Variants in DLG2 observed in about 807,000 individuals in gnomAD.
The protein encoded by DLG2 is discs large MAGUK scaffold protein 2, also known as disks large homolog 2.
In DLG2, 45 loss-of-function variants were observed where a neutral mutation model predicts 132.5. The ratio of observed to expected loss-of-function variants is 0.34; its 90% CI spans 0.27 to 0.44. The LOEUF (loss-of-function observed/expected upper bound fraction) is 0.44. Among genes scored for constraint, DLG2 ranks in the 20% least tolerant of loss-of-function variants. DLG2 has a pLI of 1.00. For missense variants in DLG2, 1,045 were observed against 1,196.9 expected (o/e 0.87, Z 1.87); for synonymous variants, 424 against 419.6 (o/e 1.01, Z -0.13).
intron 7 of DLG2, among the ~76,000 whole-genome samples, chr11:84,496,972 G>A (rs2099186259): frequency 6.6e-6 from 1 of 152,046 alleles, no homozygotes; most frequent in East Asian, 1.9e-4. Context: ...AGAATAATAG[G>A]TTAAGAGGTA....
At position 83,553,483 on chromosome 11, in the gene DLG2, CGTGTGTGTGTGTGT is replaced by C. The variant is rs71959561; in HGVS notation, c.1941-11639_1941-11626del. The stretch of plus-strand genomic sequence containing the variant: ...CTGGCACAAAGTAAGAAGTAAGCAC[CGTGTGTGTGTGTGT>C]GTGTGTGTGTGTGTGTGTGTGTGTG... On this transcript the variant is annotated intron_variant, in intron 19 of 27. Coordinates refer to ENST00000376104, the MANE Select transcript of DLG2 (RefSeq NM_001142699.3). Among the ~76,000 whole-genome samples the C allele has an allele frequency of 3.2e-3, 465 of 143,850 alleles. 8 individuals are homozygous for C. The highest frequency in any genetic ancestry group is 8.7e-3 in the East Asian group (42 of 4,830). 94.4% of individuals were successfully genotyped at this position (143,850 alleles called of 152,430 possible).
intron 5 of DLG2, among the ~76,000 whole-genome samples, chr11:85,151,771 C>A (rs935217968): frequency 5.3e-5 from 8 of 152,162 alleles, no homozygotes; most frequent in African/African-American, 7.2e-5. Context: ...CAGTACCACA[C>A]CATCTTGATT....
chr11:84,668,970 A>G (rs2099702823), intron 6 of DLG2, among the ~76,000 whole-genome samples: 1 of 152,132 alleles, frequency 6.6e-6, no homozygotes, highest in African/African-American at 2.4e-5. Context: ...AAAATAGACA[A>G]TATTCCTTGT....
intron 19 of DLG2, among the ~76,000 whole-genome samples, chr11:83,577,164 G>A (rs1451245820): frequency 6.6e-6 from 1 of 151,990 alleles, no homozygotes; most frequent in Non-Finnish European, 1.5e-5. Flanking sequence ...TTTCTCCCAT[G>A]CTGGATGCTT....
rs116705112 is a variant in DLG2 at position 85,603,706 on chromosome 11, G to A, written c.-92-4918C>T. Among the ~76,000 whole-genome samples, 1,378 of 151,976 alleles carry A rather than the reference G, an allele frequency of 9.1e-3. 20 individuals are homozygous for A. Among genetic ancestry groups the A allele is most frequent in the African/African-American group, 0.031 (1,295 of 41,460 alleles). Reference sequence around the variant, plus strand: ...CAAGGTGGAAGGATGGCTTGAGACCGGGAGTTCGAGACCAGCCTGGGCAAC... The same window carrying A: ...CAAGGTGGAAGGATGGCTTGAGACCAGGAGTTCGAGACCAGCCTGGGCAAC... On this transcript the variant is annotated intron_variant, in intron 2 of 27. Transcript: ENST00000376104.
At chr11:84,987,578 C>T (rs61390712) in intron 6 of DLG2, among the ~76,000 whole-genome samples, 12,292 of 152,096 alleles carry the variant, frequency 0.081, 801 homozygotes, top group Non-Finnish European at 0.11. Context: ...GGCACATAGA[C>T]GAATGGAACA....
chr11:84,070,953 T>A (rs1439785475), intron 10 of DLG2, among the ~76,000 whole-genome samples: 1 of 152,220 alleles, frequency 6.6e-6, no homozygotes, highest in Non-Finnish European at 1.5e-5. Flanking sequence ...TTTACTTCAC[T>A]TTTAATTCTC....
chr11:85,208,964 C>A (rs2082076330), intron 4 of DLG2, among the ~76,000 whole-genome samples: 1 of 152,102 alleles, frequency 6.6e-6, no homozygotes, highest in African/African-American at 2.4e-5. Flanking sequence ...CCCCTATCTA[C>A]CCTCCCGCAA....
chr11:85,075,662 G>A (rs944608460), intron 6 of DLG2, among the ~76,000 whole-genome samples: 1 of 151,652 alleles, frequency 6.6e-6, no homozygotes, highest in African/African-American at 2.4e-5. Flanking sequence ...TATATTTTCT[G>A]AGAGTGTATA....
chr11:85,352,732 C>T (rs556035308), intron 3 of DLG2, among the ~76,000 whole-genome samples: 17 of 151,972 alleles, frequency 1.1e-4, no homozygotes, highest in South Asian at 2.1e-4. Flanking sequence ...AACAAGAAAT[C>T]GGGAAAGGAT....
rs114226046 is a variant in DLG2 at position 84,387,425 on chromosome 11, T to C, written c.520-136134A>G. Among the ~76,000 whole-genome samples the C allele has an allele frequency of 3.5e-3, 526 of 152,108 alleles. 2 individuals carry two copies. Among genetic ancestry groups the C allele is most frequent in the Non-Finnish European group, 6.4e-3 (436 of 67,988 alleles). ...ATAATCATTATAATTATTAAGAAAT[T>C]AGTTATACAGAAAAATATTACAATC... On this transcript the variant is annotated intron_variant, in intron 7 of 27. Coordinates refer to ENST00000376104, the MANE Select transcript of DLG2 (RefSeq NM_001142699.3).
At chr11:85,324,304 C>A (rs1181863470) in intron 3 of DLG2, among the ~76,000 whole-genome samples, 1 of 152,062 alleles carries the variant, frequency 6.6e-6, no homozygotes, top group Non-Finnish European at 1.5e-5. Flanking sequence ...TGACATCACA[C>A]CTTCTATCTA....
intron 8 of DLG2, among the ~76,000 whole-genome samples, chr11:84,187,142 T>C (rs1218990516): frequency 3.3e-5 from 5 of 150,042 alleles, no homozygotes; most frequent in Non-Finnish European, 7.4e-5. Flanking sequence ...TAAAGTATTA[T>C]ATATAAATAG....
chr11:83,946,753 A>T (rs1374995116), intron 14 of DLG2, among the ~76,000 whole-genome samples: 1 of 151,962 alleles, frequency 6.6e-6, no homozygotes, highest in Non-Finnish European at 1.5e-5. Flanking sequence ...GTGCACATAC[A>T]CATAATTTTT....
chr11:85,569,527 C>T (rs2077724528), intron 3 of DLG2, among the ~76,000 whole-genome samples: 2 of 151,934 alleles, frequency 1.3e-5, no homozygotes, highest in Admixed American at 1.3e-4. Context: ...GTGATTTTTC[C>T]ACATTTCCTT....
At chr11:84,502,180 CTCTCTT>C (rs1407785816) in intron 7 of DLG2, among the ~76,000 whole-genome samples, 1 of 26,728 alleles carries the variant, frequency 3.7e-5, no homozygotes, top group East Asian at 5.4e-4. Flanking sequence ...CTCTCTTTCT[CTCTCTT>C]TCTCTCTCTC....
intron 4 of DLG2, among the ~76,000 whole-genome samples, chr11:85,276,230 C>T (rs535839487): frequency 2.4e-4 from 37 of 152,154 alleles, no homozygotes; most frequent in Middle Eastern, 3.4e-3. Context: ...CCTTTCTCTG[C>T]GGGAGAAAAA....
chr11:83,899,147 G>T (rs1250128222), intron 15 of DLG2, among the ~76,000 whole-genome samples: 1 of 151,638 alleles, frequency 6.6e-6, no homozygotes, highest in Admixed American at 6.6e-5. Context: ...ACTTACTCTT[G>T]TTGCTAAATC....
chr11:85,162,709 A>G (rs1594962676), intron 4 of DLG2, among the ~76,000 whole-genome samples: 1 of 152,210 alleles, frequency 6.6e-6, no homozygotes, highest in Non-Finnish European at 1.5e-5. Flanking sequence ...AGTTGTACAA[A>G]CAATAGTTGT....
Sources: allele counts gnomAD v4.1 joint callset (sites outside exome capture counted in the v4.1 genomes callset), GRCh38; gene constraint gnomAD v4.1.1; transcripts MANE v1.5; gene names NCBI Gene and HGNC (gene_info 2026-07-23, HGNC 2026-07-21).